Variants in TMEM131 observed in about 807,000 individuals in gnomAD.
The protein encoded by TMEM131 is 2610524E03Rik.
In TMEM131, 66 loss-of-function variants were observed where a neutral mutation model predicts 211.6. The ratio of observed to expected loss-of-function variants is 0.31; its 90% CI spans 0.26 to 0.38. The LOEUF (loss-of-function observed/expected upper bound fraction) is 0.38. TMEM131 is among the 10% of genes least tolerant of loss of function. TMEM131 has a pLI of 1.00. For missense variants in TMEM131, 2,036 were observed against 2,299.3 expected (o/e 0.89, Z 2.34); for synonymous variants, 844 against 841.3 (o/e 1.00, Z -0.06).
chr2:97,959,173 A>G (rs1033150308), intron 1 of TMEM131, among the ~76,000 whole-genome samples: 1 of 152,204 alleles, frequency 6.6e-6, no homozygotes, highest in Non-Finnish European at 1.5e-5. Flanking sequence ...AAGAGAAAGG[A>G]GAAGAAAAGC....
At chr2:97,771,978 C>A (rs997141953) in intron 33 of TMEM131, among the ~76,000 whole-genome samples, 2 of 152,228 alleles carry the variant, frequency 1.3e-5, no homozygotes, top group Non-Finnish European at 1.5e-5. Context: ...TCGTCAAGGT[C>A]ATCTTTGTGC....
chr2:97,992,037 C>T (rs936722902), intron 1 of TMEM131, among the ~76,000 whole-genome samples: 1 of 152,152 alleles, frequency 6.6e-6, no homozygotes, highest in East Asian at 1.9e-4. Flanking sequence ...TAAAAGCAGG[C>T]TACAAACGTT....
At chr2:97,760,535 G>GCTAACC (rs1678777045) in intron 38 of TMEM131, 58 bp downstream of exon 38, 1 of 1,496,200 alleles carries the variant, frequency 6.7e-7, no homozygotes, top group Non-Finnish European at 9.1e-7. Flanking sequence ...ATAAAAAGGT[G>GCTAACC]CTAACCCGAC....
At chr2:97,856,275 A>G (rs1443652937) in intron 5 of TMEM131, among the ~76,000 whole-genome samples, 1 of 152,146 alleles carries the variant, frequency 6.6e-6, no homozygotes, top group African/African-American at 2.4e-5. Context: ...TTTGAATTAT[A>G]ATTAGATAAT....
intron 1 of TMEM131, among the ~76,000 whole-genome samples, chr2:97,950,733 A>G (rs572668415): frequency 1.1e-4 from 17 of 152,152 alleles, no homozygotes; most frequent in South Asian, 2.1e-4. Context: ...CAAGACTCCA[A>G]TATCTACCAC....
At chr2:97,783,790 T>G (rs967488247) in intron 31 of TMEM131, among the ~76,000 whole-genome samples, 4 of 152,080 alleles carry the variant, frequency 2.6e-5, no homozygotes, top group African/African-American at 9.7e-5. Context: ...AGTCTACTTA[T>G]GTAATTAAAA....
At chr2:97,970,779 G>A (rs1220183078) in intron 1 of TMEM131, among the ~76,000 whole-genome samples, 1 of 152,076 alleles carries the variant, frequency 6.6e-6, no homozygotes, top group Non-Finnish European at 1.5e-5. Flanking sequence ...CTGCCATGCT[G>A]GACATATCTC....
Position 97,805,518 on chromosome 2 carries a change from C to G in TMEM131, c.2208+33G>C, listed in dbSNP as rs1241150491. 4.3e-6 allele frequency: 7 copies of G among 1,610,378 alleles called. No homozygotes were observed. In the Admixed American group the frequency reaches 6.7e-5, roughly 15 times the overall value. On this transcript the variant is annotated intron_variant, in intron 20 of 40. Coordinates refer to ENST00000186436, the MANE Select transcript of TMEM131 (RefSeq NM_015348.2). ...GGAGGTCATAAAACAAAATGTTAACCAATGGGAATTCTCAAATATAATATC... is the reference window on the plus strand; with the variant it reads ...GGAGGTCATAAAACAAAATGTTAACGAATGGGAATTCTCAAATATAATATC...
intron 1 of TMEM131, among the ~76,000 whole-genome samples, chr2:97,942,813 T>G (rs533566355): frequency 6.6e-6 from 1 of 151,966 alleles, no homozygotes; most frequent in African/African-American, 2.4e-5. Context: ...ACAAGCTTTT[T>G]TTAAAAAGCA....
intron 1 of TMEM131, among the ~76,000 whole-genome samples, chr2:97,952,494 G>A (rs866120439): frequency 5.9e-5 from 9 of 152,122 alleles, no homozygotes; most frequent in Non-Finnish European, 8.8e-5. Context: ...ACACCAATTC[G>A]AATTGGTGTT....
At chr2:97,791,981 G>T (rs1275376364) in intron 31 of TMEM131, among the ~76,000 whole-genome samples, 1 of 152,134 alleles carries the variant, frequency 6.6e-6, no homozygotes, top group Non-Finnish European at 1.5e-5. Flanking sequence ...GATTTGGCCC[G>T]CTAACTGTAG....
At chr2:97,896,987 T>C (rs1675640872) in intron 3 of TMEM131, among the ~76,000 whole-genome samples, 1 of 113,564 alleles carries the variant, frequency 8.8e-6, no homozygotes, top group Admixed American at 8.3e-5. Context: ...TCTCAATATA[T>C]CTAGGAGTTC....
intron 32 of TMEM131, among the ~76,000 whole-genome samples, chr2:97,773,981 T>C (rs1433705487): frequency 6.6e-6 from 1 of 152,186 alleles, no homozygotes; most frequent in Non-Finnish European, 1.5e-5. Flanking sequence ...GGGACAGTGA[T>C]GGCTGTGGAG....
chr2:97,823,703 A>G (rs1211300675), intron 11 of TMEM131, among the ~76,000 whole-genome samples: 1 of 152,174 alleles, frequency 6.6e-6, no homozygotes, highest in Admixed American at 6.5e-5. Context: ...AAGAATTAGG[A>G]AAAAGCCCAT....
At chr2:97,839,213 A>G (rs985684833) in intron 7 of TMEM131, among the ~76,000 whole-genome samples, 2 of 151,994 alleles carry the variant, frequency 1.3e-5, no homozygotes, top group Non-Finnish European at 2.9e-5. Context: ...TGTAGTCCCA[A>G]CTACTCAGGA....
At chr2:97,911,565 A>G in intron 2 of TMEM131, 1 of 959,186 alleles carries the variant, frequency 1.0e-6, no homozygotes, top group Non-Finnish European at 1.2e-6. Flanking sequence ...TTGAGGAGAA[A>G]AAAATTATCA....
chr2:97,794,004 AAAAAAAAAAAAC>A (rs1490823697), intron 29 of TMEM131, among the ~76,000 whole-genome samples: 9 of 149,904 alleles, frequency 6.0e-5, no homozygotes, highest in Non-Finnish European at 1.3e-4. Context: ...AAAAAAAAAA[AAAAAAAAAAAAC>A]AAAAAACCCA....
In TMEM131 at chr2:97,796,944, T is replaced by C. The variant is rs768479451; in HGVS notation, c.2913A>G (p.Gln971=). Residue 971 remains glutamine, a synonymous_variant, in exon 27 of 41, where the codon CAA becomes CAG. Transcript: ENST00000186436. ...CCACCCTCAAGTTCTCAGTTGTTCC[T>C]TGTCCTTGGACCATCACAGCATCCA... ...TVMDAVMVQG[Q]GTTENLRVAG... The C allele has an allele frequency of 1.9e-6, 3 of 1,613,998 alleles. No homozygotes were observed. Among genetic ancestry groups the C allele is most frequent in the Non-Finnish European group, 1.7e-6 (2 of 1,179,880 alleles).
chr2:97,929,549 T>C (rs1174504152), intron 1 of TMEM131, among the ~76,000 whole-genome samples: 4 of 151,774 alleles, frequency 2.6e-5, no homozygotes, highest in Non-Finnish European at 5.9e-5. Context: ...AATAAGATAC[T>C]AGTTAATTAG....
Sources: gnomAD v4.1 joint callset for allele counts (sites outside exome capture counted in the v4.1 genomes callset) on GRCh38, gnomAD v4.1.1 for gene constraint, MANE v1.5 for transcripts, NCBI Gene and HGNC (gene_info 2026-07-23, HGNC 2026-07-21) for gene names.